The following UGT2B10 variants were observed in gnomAD, a reference collection of about 807,000 sequenced individuals.
UGT2B10 encodes UDP glucuronosyltransferase family 2 member B10, also known as UDP-glucuronosyltransferase 2B10.
Under a neutral mutation model 43.7 loss-of-function variants are expected in UGT2B10, and 51 were observed. That is an observed-to-expected ratio of 1.17 (90% CI 0.93 to 1.47). UGT2B10 has a LOEUF of 1.47. Ranked by LOEUF, UGT2B10 falls within the 40% of genes most tolerant of loss-of-function variation. The probability of loss-of-function intolerance (pLI) is 0.00; values close to 1 mark genes in which losing one functional copy is unlikely to be tolerated. For synonymous variants in UGT2B10, 225 were observed against 209.0 expected, an observed-to-expected ratio of 1.08 and a Z score of -0.66; for missense variants, 696 against 617.7, an observed-to-expected ratio of 1.13 and a Z score of -1.34.
chr4:68,825,905 G>T (rs1382837005), intron 3 of UGT2B10, among the ~76,000 whole-genome samples: 1 of 152,024 alleles, frequency 6.6e-6, no homozygotes, highest in East Asian at 1.9e-4. Context: ...GGTTTTTGAG[G>T]AATCACCACA....
At position 68,816,529 on chromosome 4, in the gene UGT2B10, T is replaced by C. The variant is rs1351698772; in HGVS notation, c.510T>C (p.Ser170=). The change falls in exon 1 of 6, where the codon AGT becomes AGC. Residue 170 remains serine, a synonymous_variant. Coordinates refer to ENST00000265403, the MANE Select transcript of UGT2B10 (RefSeq NM_001075.6). ...AELFNIPFVY[S]HSFSPGYSFE... ...TATTTAACATACCCTTTGTGTACAG[T>C]CACAGCTTCAGTCCTGGCTACTCAT... The C allele has an allele frequency of 6.2e-7, 1 of 1,613,196 alleles. No homozygotes were observed.
chr4:68,820,436 A>C (rs1737435957), intron 2 of UGT2B10, among the ~76,000 whole-genome samples: 1 of 152,106 alleles, frequency 6.6e-6, no homozygotes, highest in Non-Finnish European at 1.5e-5. Context: ...ATGTGAAATC[A>C]TAAAAAAATT....
At chr4:68,821,072 T>C (rs1003535524) in intron 2 of UGT2B10, among the ~76,000 whole-genome samples, 3 of 152,132 alleles carry the variant, frequency 2.0e-5, no homozygotes, top group Admixed American at 6.6e-5. Flanking sequence ...TTATGTGGAA[T>C]AGTAGTACAG....
At chr4:68,827,908 A>C (rs572797208) in intron 5 of UGT2B10, among the ~76,000 whole-genome samples, 2 of 150,804 alleles carry the variant, frequency 1.3e-5, no homozygotes, top group East Asian at 4.0e-4. Flanking sequence ...AAAATGTCTC[A>C]GAATATAACT....
At chr4:68,817,787 C>T (rs1252914220) in intron 1 of UGT2B10, among the ~76,000 whole-genome samples, 3 of 151,712 alleles carry the variant, frequency 2.0e-5, no homozygotes, top group East Asian at 1.9e-4. Flanking sequence ...ACTGACATGA[C>T]ATTAGAGATG....
intron 5 of UGT2B10, 44 bp downstream of exon 5, chr4:68,827,592 C>A (rs764457784): frequency 1.2e-6 from 2 of 1,608,382 alleles, no homozygotes; most frequent in Non-Finnish European, 1.7e-6. Flanking sequence ...TAATAGATAG[C>A]TTTTCTTGTC....
At chr4:68,827,058 C>T (rs1052296468) in intron 4 of UGT2B10, among the ~76,000 whole-genome samples, 20 of 152,042 alleles carry the variant, frequency 1.3e-4, no homozygotes, top group African/African-American at 4.1e-4. Context: ...CTTTGCTGTC[C>T]TCTTTTGTGC....
At position 68,827,435 on chromosome 4, in the gene UGT2B10, A is replaced by G. The variant is rs202159234; in HGVS notation, c.1194A>G (p.Gln398=). ...TGGGCATTCCATTGTTTTTTGATCA[A>G]CCTGATAATATTGCTCACATGAAGG... The part of the protein sequence containing the change: ...PMVGIPLFFD[Q]PDNIAHMKAK... Residue 398 remains glutamine, a synonymous_variant, in exon 5 of 6, where the codon CAA becomes CAG. Transcript: ENST00000265403. 1.2e-6 allele frequency: 2 copies of G among 1,613,584 alleles called. No homozygotes were observed. The highest frequency in any genetic ancestry group is 1.1e-5 in the South Asian group (1 of 91,074).
Position 68,831,064 on chromosome 4 carries a change from T to C in UGT2B10, c.*185T>C. ...CCACCCAGTTAATGGTTAGAAATAT[T>C]CTGTGGCAATGAAGAAAACACTAGG... On this transcript the variant is annotated 3_prime_UTR_variant, in exon 6 of 6. Coordinates refer to ENST00000265403, the MANE Select transcript of UGT2B10 (RefSeq NM_001075.6). 1.4e-6 allele frequency: 1 copy of C among 740,034 alleles called. No homozygotes were observed. The highest frequency in any genetic ancestry group is 2.2e-5 in the South Asian group (1 of 46,464). 45.8% of individuals were successfully genotyped at this position (740,034 alleles called of 1,614,324 possible). A position where few individuals can be genotyped will look rare whatever the true frequency, so the allele number is the denominator to read the frequency against.
chr4:68,831,000 T>C lies in UGT2B10; in HGVS notation c.*121T>C. ...GTGACAAAAAAAAATCCTTTCGAAG[T>C]CTACCTTGTCAAGTAAAAATTTGTT... is the stretch of plus-strand genomic sequence containing the variant. On this transcript the variant is annotated 3_prime_UTR_variant, in exon 6 of 6. Transcript: ENST00000265403. 2 of 1,363,848 alleles carry C rather than the reference T, an allele frequency of 1.5e-6. No homozygotes were observed. The highest frequency in any genetic ancestry group is 1.5e-5 in the South Asian group (1 of 65,754). The allele number at this position is 1,363,848 out of a possible 1,614,324, so 84.5% of individuals were successfully genotyped here.
At chr4:68,830,559 A>C in intron 5 of UGT2B10, 41 bp from the exon 6 acceptor site, 41 of 1,567,884 alleles carry the variant, frequency 2.6e-5, no homozygotes, top group Non-Finnish European at 3.5e-5. Context: ...CAGGCAAATT[A>C]ACTTACTTTC....
At position 68,831,279 on chromosome 4, in the gene UGT2B10, G is replaced by A. The variant is rs1738089241; in HGVS notation, c.*400G>A. ...CAACTAATTTTTTATTTTTTGTAGT[G>A]ATGAGATCTCATTGTGTTCTCCATG... On this transcript the variant is annotated 3_prime_UTR_variant, in exon 6 of 6. Coordinates refer to ENST00000265403, the MANE Select transcript of UGT2B10 (RefSeq NM_001075.6). 1 of 176,676 alleles carries A rather than the reference G, an allele frequency of 5.7e-6. No homozygotes were observed. Among genetic ancestry groups the A allele is most frequent in the African/African-American group, 2.4e-5 (1 of 41,718 alleles). The allele number at this position is 176,676 out of a possible 1,614,324, so 10.9% of individuals were successfully genotyped here. A position where few individuals can be genotyped will look rare whatever the true frequency, so the allele number is the denominator to read the frequency against.
intron 3 of UGT2B10, among the ~76,000 whole-genome samples, chr4:68,825,810 G>A (rs1578271142): frequency 1.3e-5 from 2 of 152,020 alleles, no homozygotes; most frequent in African/African-American, 4.8e-5. Flanking sequence ...ATAGTTTCAT[G>A]GATCTTTATG....
intron 5 of UGT2B10, 131 bp downstream of exon 5, chr4:68,827,679 T>C: frequency 2.8e-6 from 4 of 1,425,842 alleles, no homozygotes; most frequent in Non-Finnish European, 3.7e-6. Flanking sequence ...CAATCCGAAA[T>C]CTGCTTTTAC....
At chr4:68,830,018 A>T (rs1738009081) in intron 5 of UGT2B10, among the ~76,000 whole-genome samples, 1 of 152,062 alleles carries the variant, frequency 6.6e-6, no homozygotes, top group Admixed American at 6.6e-5. Flanking sequence ...ACTAGCTATG[A>T]GGCATGTCAC....
chr4:68,820,089 C>A (rs1030758475), intron 2 of UGT2B10, among the ~76,000 whole-genome samples: 1 of 151,928 alleles, frequency 6.6e-6, no homozygotes, highest in Non-Finnish European at 1.5e-5. Flanking sequence ...TTTCCCCACT[C>A]ACACTAAGGG....
intron 5 of UGT2B10, among the ~76,000 whole-genome samples, chr4:68,830,267 A>G (rs1354025781): frequency 1.3e-5 from 2 of 151,978 alleles, no homozygotes; most frequent in South Asian, 4.1e-4. Flanking sequence ...CATCTCATAT[A>G]CCCCATAAAC....
At position 68,827,511 on chromosome 4, in the gene UGT2B10, C is replaced by A. The variant is rs368602880; in HGVS notation, c.1270C>A (p.Leu424Met). 8.7e-6 allele frequency: 14 copies of A among 1,613,188 alleles called. No homozygotes were observed. The highest frequency in any genetic ancestry group is 1.1e-5 in the Non-Finnish European group (13 of 1,179,484). ...CTTCAACACAATGTCGAGTACAGAC[C>A]TGCTGAATGCACTGAAGACAGTAAT... ...VDFNTMSSTD[L>M]LNALKTVIND... Residue 424 changes from leucine to methionine, a missense_variant, in exon 5 of 6, where the codon CTG becomes ATG. Leu to Met is a conservative substitution (Grantham distance 15, BLOSUM62 2). Coordinates refer to ENST00000265403, the MANE Select transcript of UGT2B10 (RefSeq NM_001075.6).
At chr4:68,816,992 C>T (rs573636643) in intron 1 of UGT2B10, among the ~76,000 whole-genome samples, 122 of 151,952 alleles carry the variant, frequency 8.0e-4, no homozygotes, top group African/African-American at 2.7e-3. Context: ...ACACCTAAGA[C>T]TTTAAGCAAT....
Sources: gnomAD v4.1 joint callset for allele counts (sites outside exome capture counted in the v4.1 genomes callset) on GRCh38, gnomAD v4.1.1 for gene constraint, MANE v1.5 for transcripts, NCBI Gene and HGNC (gene_info 2026-07-23, HGNC 2026-07-21) for gene names.